DENND2C: variants seen among roughly 807,000 people sequenced by gnomAD.
DENND2C encodes DENN domain-containing protein 2C.
In DENND2C, 72 loss-of-function variants were observed where a neutral mutation model predicts 112.4. The observed-to-expected ratio is 0.64, with a 90% CI of 0.53 to 0.78. The LOEUF (loss-of-function observed/expected upper bound fraction) is 0.78. Among genes scored for constraint, DENND2C ranks in the 30% least tolerant of loss-of-function variants. The pLI is 0.00. For synonymous variants in DENND2C, 329 were observed against 381.6 expected, an observed-to-expected ratio of 0.86 and a Z score of 1.61; for missense variants, 992 against 1,113.8, an observed-to-expected ratio of 0.89 and a Z score of 1.56.
chr1:114,655,899 T>TATATATATAA (rs947062949), intron 1 of DENND2C, among the ~76,000 whole-genome samples: 4 of 147,694 alleles, frequency 2.7e-5, no homozygotes, highest in East Asian at 2.0e-4. Flanking sequence ...TATATATATA[T>TATATATATAA]AATATGTATG....
chr1:114,625,493 C>A lies in DENND2C; in HGVS notation c.492G>T (p.Leu164Phe). Reference protein sequence around the residue: ...EALPPDKLLNLALEHCDSSEK... With the variant: ...EALPPDKLLNFALEHCDSSEK... ...CTGAAGAGTCACAATGTTCTAAAGC[C>A]AAATTTAAGAGTTTATCTGGGGGAA... Residue 164 changes from leucine (L) to phenylalanine (F), a missense_variant, in exon 4 of 21, where the codon TTG becomes TTT. Coordinates refer to ENST00000393274, the MANE Select transcript of DENND2C (RefSeq NM_001256404.2). 1 of 1,614,074 alleles carries A rather than the reference C, an allele frequency of 6.2e-7. No homozygotes were observed. The highest frequency in any genetic ancestry group is 8.5e-7 in the Non-Finnish European group (1 of 1,180,012).
At chr1:114,651,373 G>T (rs1364028698) in intron 2 of DENND2C, among the ~76,000 whole-genome samples, 2 of 151,540 alleles carry the variant, frequency 1.3e-5, no homozygotes, top group African/African-American at 4.9e-5. Context: ...GATCACTTGA[G>T]CCCAGGAGCT....
rs1415982510 is a variant in DENND2C at position 114,625,176 on chromosome 1, T to C, written c.806+3A>G. On this transcript the variant is annotated splice_donor_region_variant and intron_variant, in intron 4 of 20. Transcript: ENST00000393274. ...AGTCTTTATCTGTAGGATAAAAACATACCTTTTAGATCTTCCTCTGATTTT... is the reference window on the plus strand; with the variant it reads ...AGTCTTTATCTGTAGGATAAAAACACACCTTTTAGATCTTCCTCTGATTTT... The C allele has an allele frequency of 6.3e-7, 1 of 1,596,660 alleles. No homozygotes were observed. Among genetic ancestry groups the C allele is most frequent in the East Asian group, 2.2e-5 (1 of 44,772 alleles).
chr1:114,594,449 G>A, intron 18 of DENND2C, 24 bp downstream of exon 18: 1 of 1,581,426 alleles, frequency 6.3e-7, no homozygotes, highest in South Asian at 1.1e-5. Context: ...TTAACCTTAA[G>A]TCCTTGGCTC....
rs779678038 is a variant in DENND2C at position 114,600,915 on chromosome 1, C to T, written c.1861G>A (p.Val621Ile). ...ATGACACTTCGCATGAATGGGTAAA[C>T]AAGGGCTGGAGACATTTCTCTTCTC... ...EKRREMSPAL[V>I]YPFMRSVMEA... The change falls in exon 14 of 21, where the codon GTT becomes ATT. Residue 621 changes from valine (V) to isoleucine (I), a missense_variant. This residue lies in a region of DENND2C where 516 missense variants were observed against 623.6 expected (regional missense o/e 0.83). Transcript: ENST00000393274. 8.7e-6 allele frequency: 14 copies of T among 1,613,984 alleles called. No homozygotes were observed. The highest frequency in any genetic ancestry group is 2.2e-5 in the East Asian group (1 of 44,874).
intron 4 of DENND2C, 36 bp from the exon 5 acceptor site, chr1:114,623,679 T>C: frequency 7.0e-7 from 1 of 1,434,542 alleles, no homozygotes; most frequent in Non-Finnish European, 9.3e-7. Flanking sequence ...GTTATATCTT[T>C]CAAAACTCTA....
chr1:114,623,145 G>T (rs370650619), intron 5 of DENND2C, 46 bp from the exon 6 acceptor site: 110 of 1,529,228 alleles, frequency 7.2e-5, no homozygotes, highest in Non-Finnish European at 9.8e-5. Context: ...ATAATTAAAT[G>T]CAAAGATAAC....
At chr1:114,666,965 G>C (rs898269009) in intron 1 of DENND2C, among the ~76,000 whole-genome samples, 2 of 152,122 alleles carry the variant, frequency 1.3e-5, no homozygotes, top group South Asian at 4.1e-4. Flanking sequence ...AGGAAGCTTT[G>C]CAATTTTATT....
Position 114,625,450 on chromosome 1 carries a change from T to C in DENND2C, c.535A>G (p.Arg179Gly), listed in dbSNP as rs746789377. 2.0e-5 allele frequency: 33 copies of C among 1,614,174 alleles called. No individual in the cohort carries two copies. Among genetic ancestry groups the C allele is most frequent in the Non-Finnish European group, 2.8e-5 (33 of 1,180,010 alleles). Residue 179 changes from arginine (R) to glycine (G), a missense_variant, in exon 4 of 21, where the codon AGA becomes GGA. Around this residue, in one of 3 missense-constraint regions of DENND2C, gnomAD observed 470 missense variants for 472.7 expected, o/e 0.99. Transcript: ENST00000393274. The part of the protein sequence containing the change: ...CDSSEKELNF[R>G]VLDSSYGITK... ...ATTCCGTATGAACTATCCAGAACTC[T>C]GAAGTTCAGTTCTTTTTCTGAAGAG...
intron 12 of DENND2C, 145 bp from the exon 13 acceptor site, chr1:114,601,730 G>A: frequency 1.4e-6 from 1 of 706,682 alleles, no homozygotes; most frequent in South Asian, 2.4e-5. Flanking sequence ...TGAAAGATGT[G>A]AAAAGTGCTA....
At chr1:114,650,981 C>T (rs186988231) in intron 2 of DENND2C, among the ~76,000 whole-genome samples, 38 of 152,034 alleles carry the variant, frequency 2.5e-4, no homozygotes, top group Admixed American at 9.8e-4. Flanking sequence ...TGGTGGCAAG[C>T]GCCTGTAGTC....
chr1:114,596,617 T>C (rs974883864), intron 16 of DENND2C, among the ~76,000 whole-genome samples: 1 of 152,062 alleles, frequency 6.6e-6, no homozygotes, highest in African/African-American at 2.4e-5. Flanking sequence ...CAAAATATTA[T>C]GGGAAAGAGG....
chr1:114,604,991 C>G lies in DENND2C; in HGVS notation c.1598G>C (p.Arg533Thr). ...ACAAAATTTTGGAATAACTTTAAGT[C>G]TCTCTTCCATGTCTTTGGACTGCTT... ...GYKQSKDMEE[R>T]LKVIPKFCFP... Residue 533 changes from arginine to threonine, a missense_variant, in exon 11 of 21, where the codon AGA becomes ACA. Arg to Thr is a moderately conservative substitution (Grantham distance 71, BLOSUM62 -1). This residue lies in a region of DENND2C where 516 missense variants were observed against 623.6 expected (regional missense o/e 0.83). Transcript: ENST00000393274. 6.2e-7 allele frequency: 1 copy of G among 1,613,736 alleles called. No homozygotes were observed. Among genetic ancestry groups the G allele is most frequent in the Non-Finnish European group, 8.5e-7 (1 of 1,179,920 alleles).
rs779970395 is a variant in DENND2C, at chr1:114,625,175, A to C, written c.806+4T>G. ...AAGTCTTTATCTGTAGGATAAAAAC[A>C]TACCTTTTAGATCTTCCTCTGATTT... On this transcript the variant is annotated splice_donor_region_variant and intron_variant, in intron 4 of 20. Coordinates refer to ENST00000393274, the MANE Select transcript of DENND2C (RefSeq NM_001256404.2). 6.3e-7 allele frequency: 1 copy of C among 1,596,250 alleles called. No individual in the cohort carries two copies. Among genetic ancestry groups the C allele is most frequent in the Non-Finnish European group, 8.5e-7 (1 of 1,173,914 alleles).
chr1:114,649,818 G>A (rs1657104656), intron 2 of DENND2C, among the ~76,000 whole-genome samples: 1 of 152,098 alleles, frequency 6.6e-6, no homozygotes, highest in Non-Finnish European at 1.5e-5. Context: ...ATAAAAAAAA[G>A]TTTTAAAAGT....
chr1:114,634,025 G>A (rs143887890), intron 3 of DENND2C, among the ~76,000 whole-genome samples: 144 of 152,250 alleles, frequency 9.5e-4, no homozygotes, highest in African/African-American at 3.4e-3. Context: ...TAACAGCAGT[G>A]ATAAAGAAGG....
chr1:114,652,723 T>A (rs922866145), intron 2 of DENND2C, among the ~76,000 whole-genome samples: 2 of 148,996 alleles, frequency 1.3e-5, no homozygotes, highest in Non-Finnish European at 3.0e-5. Context: ...CAACCTGAAG[T>A]GTAGTGGCTA....
At chr1:114,668,387 CCTA>C (rs1657701567) in intron 1 of DENND2C, among the ~76,000 whole-genome samples, 2 of 152,108 alleles carry the variant, frequency 1.3e-5, no homozygotes, top group Non-Finnish European at 2.9e-5. Flanking sequence ...AAAATTCTTG[CCTA>C]TAACTTAAGA....
At chr1:114,662,324 T>A (rs1015686011) in intron 1 of DENND2C, among the ~76,000 whole-genome samples, 1 of 152,020 alleles carries the variant, frequency 6.6e-6, no homozygotes, top group South Asian at 2.1e-4. Flanking sequence ...CAGAGAAAAA[T>A]GCAAATCCCT....
Sources: allele counts gnomAD v4.1 joint callset (sites outside exome capture counted in the v4.1 genomes callset), GRCh38; gene constraint gnomAD v4.1.1; regional missense constraint gnomAD v4.1.1; transcripts MANE v1.5; gene names NCBI Gene and HGNC (gene_info 2026-07-23, HGNC 2026-07-21).